MYLK: variants seen among roughly 807,000 people sequenced by gnomAD.
The protein encoded by MYLK is myosin light chain kinase, smooth muscle.
MYLK carries 106 observed loss-of-function variants against 203.4 expected under a neutral mutation model. That is an observed-to-expected ratio of 0.52 (90% CI 0.45 to 0.61). The LOEUF is 0.61. Among genes scored for constraint, MYLK ranks in the 20% least tolerant of loss-of-function variants. The pLI, the probability that MYLK is intolerant of heterozygous loss-of-function variation, is 0.00. For missense variants in MYLK, 2,072 were observed against 2,442.3 expected (o/e 0.85, Z 3.20); for synonymous variants, 867 against 959.5 (o/e 0.90, Z 1.78).
rs150392984 is a variant in MYLK at position 123,629,547 on chromosome 3, C to A, written c.5041G>T (p.Asp1681Tyr). 6 of 1,614,076 alleles carry A rather than the reference C, an allele frequency of 3.7e-6. No homozygotes were observed. In the African/African-American group the frequency reaches 8.0e-5, roughly 22 times the overall value. ...ANVTSATWDFDDEAFDEISDD... is the reference protein window; with the variant it reads ...ANVTSATWDFYDEAFDEISDD... The stretch of plus-strand genomic sequence containing the variant: ...GAGATCTCATCGAATGCCTCGTCGT[C>A]GAAGTCCCAGGTGGCTGAGGTAACG... The change falls in exon 30 of 34, where the codon GAC (aspartate) becomes TAC (tyrosine). Residue 1681 changes from aspartate (D) to tyrosine (Y), a missense_variant. Coordinates refer to ENST00000360304, the MANE Select transcript of MYLK (RefSeq NM_053025.4). The surrounding 1 kb of genome is among the most constrained non-coding windows in gnomAD (Gnocchi z 4.4).
chr3:123,858,223 T>A (rs1451999639), intron 2 of MYLK, among the ~76,000 whole-genome samples: 1 of 152,004 alleles, frequency 6.6e-6, no homozygotes, highest in Non-Finnish European at 1.5e-5. Flanking sequence ...GACAGAAAAA[T>A]GTGGAGTGCA....
At chr3:123,829,652 G>C (rs909315519) in intron 3 of MYLK, among the ~76,000 whole-genome samples, 1 of 152,096 alleles carries the variant, frequency 6.6e-6, no homozygotes, top group Admixed American at 6.6e-5. Context: ...TATGCTAATT[G>C]CCCAGATCTG....
At chr3:123,659,892 C>T (rs1358319735) in intron 23 of MYLK, among the ~76,000 whole-genome samples, 1 of 152,178 alleles carries the variant, frequency 6.6e-6, no homozygotes, top group Non-Finnish European at 1.5e-5. Flanking sequence ...TCCAGTGGCA[C>T]CAGCTCCAGG....
At chr3:123,819,336 T>C (rs2065845424) in intron 3 of MYLK, among the ~76,000 whole-genome samples, 3 of 152,208 alleles carry the variant, frequency 2.0e-5, no homozygotes, top group African/African-American at 7.2e-5. Context: ...TCAGGAATTC[T>C]CTCCACTGTG....
In MYLK at chr3:123,738,824, G is replaced by A. The variant is rs915288930; in HGVS notation, c.588+73C>T. Reference sequence around the variant, plus strand: ...TTTCCTTCATAAATTACCCAGTCTCGGGTATGTCTATTAGCAGCATGAGAA... The same window carrying A: ...TTTCCTTCATAAATTACCCAGTCTCAGGTATGTCTATTAGCAGCATGAGAA... On this transcript the variant is annotated intron_variant, in intron 7 of 33. Coordinates refer to ENST00000360304, the MANE Select transcript of MYLK (RefSeq NM_053025.4). 52 of 1,539,680 alleles carry A rather than the reference G, an allele frequency of 3.4e-5. No homozygotes were observed. In the Middle Eastern group the frequency reaches 1.5e-3, roughly 44 times the overall value.
At position 123,815,387 on chromosome 3, in the gene MYLK, C is replaced by CTTGGGAAGTGAGGCAAGTA. The variant is rs1240488703; in HGVS notation, c.-4+16142_-4+16160dup. On this transcript the variant is annotated intron_variant, in intron 3 of 33. Transcript: ENST00000360304. ...AGATACCCAACCAAGTTAGGCAAGC[C>CTTGGGAAGTGAGGCAAGTA]TTGGGAAGTGAGGCAAGTATTGAGT... is the stretch of plus-strand genomic sequence containing the variant. 6.6e-3 allele frequency among the ~76,000 whole-genome samples: 998 copies of CTTGGGAAGTGAGGCAAGTA among 152,260 alleles called. 8 individuals carry two copies. Among genetic ancestry groups the CTTGGGAAGTGAGGCAAGTA allele is most frequent in the African/African-American group, 0.022 (920 of 41,542 alleles).
chr3:123,779,240 T>A (rs1303973837), intron 4 of MYLK, among the ~76,000 whole-genome samples: 1 of 152,156 alleles, frequency 6.6e-6, no homozygotes, highest in Non-Finnish European at 1.5e-5. Context: ...TGGGGGATGG[T>A]GGCCTGGGAA....
At chr3:123,877,511 G>C (rs143992995) in intron 1 of MYLK, among the ~76,000 whole-genome samples, 1 of 152,200 alleles carries the variant, frequency 6.6e-6, no homozygotes, top group Non-Finnish European at 1.5e-5. Flanking sequence ...GCCCACAGGG[G>C]AGGAGCTGAG....
intron 2 of MYLK, among the ~76,000 whole-genome samples, chr3:123,843,560 C>T (rs2066644319): frequency 6.6e-6 from 1 of 152,174 alleles, no homozygotes; most frequent in African/African-American, 2.4e-5. Context: ...TAACAGGCAG[C>T]ATAACCAAGA....
intron 2 of MYLK, among the ~76,000 whole-genome samples, chr3:123,839,813 A>T (rs948574003): frequency 1.3e-5 from 2 of 152,218 alleles, no homozygotes; most frequent in African/African-American, 4.8e-5. Flanking sequence ...AACAAACCTG[A>T]ATCAAATTAA....
chr3:123,636,177 A>G (rs2058635947), intron 29 of MYLK, among the ~76,000 whole-genome samples: 1 of 152,198 alleles, frequency 6.6e-6, no homozygotes. Flanking sequence ...TAGAGAGACC[A>G]ATTGTCCTGG....
chr3:123,841,452 T>C (rs547832460), intron 2 of MYLK, among the ~76,000 whole-genome samples: 1 of 152,258 alleles, frequency 6.6e-6, no homozygotes, highest in South Asian at 2.1e-4. Flanking sequence ...TGTAAAAATA[T>C]TTTTCTGTAT....
At chr3:123,716,604 C>A (rs1335488844) in intron 13 of MYLK, among the ~76,000 whole-genome samples, 1 of 152,218 alleles carries the variant, frequency 6.6e-6, no homozygotes, top group Non-Finnish European at 1.5e-5. Flanking sequence ...TATAATCACA[C>A]TCTAAACATA....
intron 2 of MYLK, among the ~76,000 whole-genome samples, chr3:123,840,659 A>G (rs1158644845): frequency 6.6e-6 from 1 of 151,950 alleles, no homozygotes; most frequent in Non-Finnish European, 1.5e-5. Flanking sequence ...AATCCTCAAC[A>G]AAATAATGGC....
At chr3:123,796,037 TCTTTCACTGATAAGATATTAG>T (rs1193893124) in intron 3 of MYLK, among the ~76,000 whole-genome samples, 2 of 152,258 alleles carry the variant, frequency 1.3e-5, no homozygotes, top group Non-Finnish European at 2.9e-5. Context: ...CCCAGCTTTC[TCTTTCACTGATAAGATATTAG>T]CTTTGCAAAC....
intron 2 of MYLK, among the ~76,000 whole-genome samples, chr3:123,873,708 T>A (rs368845609): frequency 5.9e-5 from 9 of 152,174 alleles, no homozygotes. Context: ...CCCAGCCTTT[T>A]AAATTGTTTA....
chr3:123,793,883 A>C, intron 3 of MYLK, 39 bp from the exon 4 acceptor site: 1 of 1,612,334 alleles, frequency 6.2e-7, no homozygotes, highest in Non-Finnish European at 8.5e-7. Context: ...CAGATCAGAC[A>C]AAGCACAGCC....
chr3:123,807,898 T>C (rs1466024127), intron 3 of MYLK, among the ~76,000 whole-genome samples: 1 of 152,248 alleles, frequency 6.6e-6, no homozygotes, highest in Non-Finnish European at 1.5e-5. Flanking sequence ...CAGGAGGCCT[T>C]GGCAGTGTGA....
At chr3:123,701,744 T>C (rs2061238615) in intron 16 of MYLK, among the ~76,000 whole-genome samples, 1 of 152,240 alleles carries the variant, frequency 6.6e-6, no homozygotes, top group South Asian at 2.1e-4. Context: ...GGACAACAGC[T>C]AAGGCAGGCA....
Sources: gnomAD v4.1 joint callset for allele counts (sites outside exome capture counted in the v4.1 genomes callset) on GRCh38, gnomAD v4.1.1 for gene constraint, Gnocchi (gnomAD v3.1) non-coding constraint, MANE v1.5 for transcripts, NCBI Gene and HGNC (gene_info 2026-07-23, HGNC 2026-07-21) for gene names.